RBM25: variants seen among roughly 807,000 people sequenced by gnomAD.
RBM25 encodes RNA-binding protein 25.
RBM25 carries 19 observed loss-of-function variants against 120.7 expected under a neutral mutation model. That is an observed-to-expected ratio of 0.16 (90% CI 0.11 to 0.23). The LOEUF (loss-of-function observed/expected upper bound fraction) is 0.23. RBM25 is among the 10% of genes least tolerant of loss of function. The pLI, the probability that RBM25 is intolerant of heterozygous loss-of-function variation, is 1.00. For synonymous variants in RBM25, 390 were observed against 326.7 expected, an observed-to-expected ratio of 1.19 and a Z score of -2.09; for missense variants, 605 against 1,041.5, an observed-to-expected ratio of 0.58 and a Z score of 5.77.
chr14:73,069,316 T>C (rs772790986), intron 1 of RBM25, among the ~76,000 whole-genome samples: 2 of 152,234 alleles, frequency 1.3e-5, no homozygotes, highest in African/African-American at 2.4e-5. Context: ...TAGAATGATA[T>C]TAAGAAGAGC....
At chr14:73,068,267 C>T in intron 1 of RBM25, 1 of 840,640 alleles carries the variant, frequency 1.2e-6, no homozygotes, top group Non-Finnish European at 2.0e-6. Context: ...CATTTAGACC[C>T]CAATAGATTT....
intron 6 of RBM25, among the ~76,000 whole-genome samples, chr14:73,094,839 G>GTC (rs1352211829): frequency 5.5e-5 from 6 of 108,762 alleles, no homozygotes; most frequent in African/African-American, 1.2e-4. Context: ...GTGTGTGTGT[G>GTC]TGTCTGTGTG....
At chr14:73,079,178 T>C (rs1895498078) in intron 4 of RBM25, among the ~76,000 whole-genome samples, 1 of 150,736 alleles carries the variant, frequency 6.6e-6, no homozygotes, top group Non-Finnish European at 1.5e-5. Flanking sequence ...ATCCCGGCAC[T>C]TTGCGGGGCC....
intron 6 of RBM25, among the ~76,000 whole-genome samples, chr14:73,095,464 G>A (rs1017766116): frequency 6.6e-6 from 1 of 151,952 alleles, no homozygotes; most frequent in Non-Finnish European, 1.5e-5. Context: ...AAATTAGTCG[G>A]GTGTGGTGGC....
At chr14:73,087,750 C>T (rs1010018237) in intron 5 of RBM25, among the ~76,000 whole-genome samples, 2 of 152,184 alleles carry the variant, frequency 1.3e-5, no homozygotes, top group Admixed American at 1.3e-4. Context: ...TTTATTAGAG[C>T]TTCTAATGAG....
At chr14:73,098,737 G>C (rs758402879) in intron 7 of RBM25, among the ~76,000 whole-genome samples, 1 of 150,082 alleles carries the variant, frequency 6.7e-6, no homozygotes, top group East Asian at 2.0e-4. Context: ...TCTGCCTCCC[G>C]GGTTCAAGCG....
chr14:73,094,026 A>T (rs1221625402), intron 6 of RBM25, among the ~76,000 whole-genome samples: 1 of 139,652 alleles, frequency 7.2e-6, no homozygotes, highest in African/African-American at 2.7e-5. Flanking sequence ...ATCTCAGCTC[A>T]CTGCAAGCTC....
chr14:73,099,594 A>G lies in RBM25; in HGVS notation c.784-73A>G. ...TTACTCTTTGAGACCTATACAGAAT[A>G]TCTAACCTTTAACTGTTTATATTGA... On this transcript the variant is annotated intron_variant, in intron 8 of 18. Transcript: ENST00000261973. 3 of 1,586,138 alleles carry G rather than the reference A, an allele frequency of 1.9e-6. No homozygotes were observed. The East Asian group carries it at 6.7e-5, about 36-fold the overall frequency.
In RBM25 at chr14:73,088,156, A is replaced by G. The variant is rs1895732429; in HGVS notation, c.538A>G (p.Asn180Asp). The change falls in exon 6 of 19, where the codon AAT becomes GAT. Residue 180 changes from asparagine (N) to aspartate (D), a missense_variant. This residue lies in a region of RBM25 where 465 missense variants were observed against 741.6 expected (regional missense o/e 0.63). Transcript: ENST00000261973. The stretch of plus-strand genomic sequence containing the variant: ...ATGGAAAGCAAAGAAGAAAGCTTCT[A>G]ATGGGGTATGTTTTCTGTCGTGTTA... Reference protein sequence around the residue: ...DEWKAKKKASNGNARPETVTN... With the variant: ...DEWKAKKKASDGNARPETVTN... The G allele has an allele frequency of 6.2e-7, 1 of 1,614,020 alleles. No individual in the cohort carries two copies. Among genetic ancestry groups the G allele is most frequent in the Non-Finnish European group, 8.5e-7 (1 of 1,179,976 alleles).
At chr14:73,108,239 C>T (rs955892763) in intron 13 of RBM25, among the ~76,000 whole-genome samples, 1 of 152,114 alleles carries the variant, frequency 6.6e-6, no homozygotes, top group Non-Finnish European at 1.5e-5. Flanking sequence ...GGCTGGAATG[C>T]AGGGGCATGA....
At chr14:73,062,905 C>T (rs1594892269) in intron 1 of RBM25, among the ~76,000 whole-genome samples, 1 of 150,616 alleles carries the variant, frequency 6.6e-6, no homozygotes, top group Non-Finnish European at 1.5e-5. Context: ...ATTGCAACCT[C>T]CACCTCCCGG....
chr14:73,075,036 C>T (rs1895382755), intron 2 of RBM25, among the ~76,000 whole-genome samples: 1 of 150,836 alleles, frequency 6.6e-6, no homozygotes, highest in South Asian at 2.1e-4. Flanking sequence ...TGCTATGTTT[C>T]CTAGGCTAGA....
Position 73,111,072 on chromosome 14 carries a change from GTAT to G in RBM25, c.1942_1944del (p.Ile648del). The G allele has an allele frequency of 1.9e-6, 3 of 1,614,118 alleles. No individual in the cohort carries two copies. The highest frequency in any genetic ancestry group is 2.5e-6 in the Non-Finnish European group (3 of 1,180,030). ...ACTCCTGGGGATGAGTCTCCCTGTG[GTAT>G]TATTATTCCTCATGAAAACTCACCA... On this transcript the variant is annotated inframe_deletion, in exon 15 of 19. Transcript: ENST00000261973.
intron 1 of RBM25, among the ~76,000 whole-genome samples, chr14:73,070,677 G>C (rs371499906): frequency 3.9e-5 from 6 of 152,050 alleles, no homozygotes; most frequent in Admixed American, 3.3e-4. Flanking sequence ...GGCCGGGCGC[G>C]GTGGCTCAGG....
At chr14:73,063,003 G>A (rs978694475) in intron 1 of RBM25, among the ~76,000 whole-genome samples, 1 of 150,770 alleles carries the variant, frequency 6.6e-6, no homozygotes, top group Non-Finnish European at 1.5e-5. Context: ...TGTATTTTTG[G>A]TAGAGATGGG....
In RBM25 at chr14:73,120,396, C is replaced by T. The variant is rs1369062729; in HGVS notation, c.*591C>T. On this transcript the variant is annotated 3_prime_UTR_variant, in exon 19 of 19. Transcript: ENST00000261973. ...ATTTGCTTTGGTGGGGTCCTTAAAA[C>T]ATTTCCCAACTAAAGAATAGAATTG... 1 of 152,678 alleles carries T rather than the reference C, an allele frequency of 6.5e-6. No homozygotes were observed. Among genetic ancestry groups the T allele is most frequent in the Non-Finnish European group, 1.5e-5 (1 of 68,092 alleles). 9.5% of individuals were successfully genotyped at this position (152,678 alleles called of 1,614,324 possible).
intron 12 of RBM25, 45 bp from the exon 13 acceptor site, chr14:73,107,781 A>T (rs753263990): frequency 1.5e-6 from 2 of 1,372,862 alleles, no homozygotes; most frequent in Non-Finnish European, 2.1e-6. Flanking sequence ...AGTAATCTTT[A>T]TTACTTGTAT....
chr14:73,068,854 G>A (rs751942665), intron 1 of RBM25, among the ~76,000 whole-genome samples: 1 of 152,042 alleles, frequency 6.6e-6, no homozygotes, highest in East Asian at 1.9e-4. Flanking sequence ...GATTATGAGC[G>A]TGAGCCACCA....
intron 1 of RBM25, among the ~76,000 whole-genome samples, chr14:73,069,504 G>A (rs144297861): frequency 6.6e-6 from 1 of 152,006 alleles, no homozygotes; most frequent in African/African-American, 2.4e-5. Flanking sequence ...GAGTGCAATG[G>A]CACACTACAA....
Sources: allele counts gnomAD v4.1 joint callset (sites outside exome capture counted in the v4.1 genomes callset), GRCh38; gene constraint gnomAD v4.1.1; regional missense constraint gnomAD v4.1.1; transcripts MANE v1.5; gene names NCBI Gene and HGNC (gene_info 2026-07-23, HGNC 2026-07-21).